DPP10: variants seen among roughly 807,000 people sequenced by gnomAD.
DPP10 encodes the protein inactive dipeptidyl peptidase 10.
DPP10 carries 33 observed loss-of-function variants against 120.9 expected under a neutral mutation model. The observed-to-expected ratio is 0.27, with a 90% CI of 0.21 to 0.37. The LOEUF (loss-of-function observed/expected upper bound fraction) is 0.37. Ranked by LOEUF, DPP10 falls within the 10% of genes least tolerant of loss-of-function variation. The pLI is 1.00. For synonymous variants in DPP10, 337 were observed against 326.1 expected (o/e 1.03, Z -0.36); for missense variants, 816 against 942.8 (o/e 0.87, Z 1.76).
At chr2:115,435,850 A>T (rs1004444367) in intron 3 of DPP10, among the ~76,000 whole-genome samples, 1 of 151,840 alleles carries the variant, frequency 6.6e-6, no homozygotes, top group Non-Finnish European at 1.5e-5. Flanking sequence ...TCTACAATCC[A>T]CGTTAAGTTG....
intron 1 of DPP10, among the ~76,000 whole-genome samples, chr2:115,256,714 C>T (rs1240623841): frequency 1.3e-5 from 2 of 152,202 alleles, no homozygotes; most frequent in African/African-American, 4.8e-5. Context: ...GTGGTTGCTT[C>T]ACAGCCCACT....
intron 5 of DPP10, among the ~76,000 whole-genome samples, chr2:115,581,058 C>T (rs2081978115): frequency 6.6e-6 from 1 of 152,096 alleles, no homozygotes; most frequent in Non-Finnish European, 1.5e-5. Context: ...GCCTGTAGGG[C>T]CTAAATTCTC....
At chr2:115,653,382 A>G (rs1203221550) in intron 5 of DPP10, among the ~76,000 whole-genome samples, 1 of 152,028 alleles carries the variant, frequency 6.6e-6, no homozygotes, top group Non-Finnish European at 1.5e-5. Flanking sequence ...TATTTTACCC[A>G]ATTTCAATCC....
intron 5 of DPP10, among the ~76,000 whole-genome samples, chr2:115,547,757 C>T (rs1253622176): frequency 6.8e-6 from 1 of 148,042 alleles, no homozygotes; most frequent in Non-Finnish European, 1.5e-5. Context: ...AGAGTGAGAT[C>T]CTATCTCCAA....
intron 1 of DPP10, among the ~76,000 whole-genome samples, chr2:114,572,761 C>T (rs1278486010): frequency 6.6e-6 from 1 of 152,134 alleles, no homozygotes; most frequent in African/African-American, 2.4e-5. Context: ...TGATATTTCT[C>T]AAAACTGGTC....
At chr2:115,389,393 A>G (rs1428635864) in intron 3 of DPP10, among the ~76,000 whole-genome samples, 2 of 152,060 alleles carry the variant, frequency 1.3e-5, no homozygotes, top group Non-Finnish European at 2.9e-5. Context: ...GCTTTTATAA[A>G]AGTTAATTAT....
intron 1 of DPP10, among the ~76,000 whole-genome samples, chr2:114,579,823 C>A (rs570623058): frequency 2.1e-5 from 3 of 145,670 alleles, no homozygotes; most frequent in Non-Finnish European, 4.6e-5. Flanking sequence ...CATAAAAATG[C>A]CTTTTTTTTA....
At chr2:115,569,925 C>T (rs1224433681) in intron 5 of DPP10, among the ~76,000 whole-genome samples, 1 of 101,382 alleles carries the variant, frequency 9.9e-6, no homozygotes, top group African/African-American at 3.8e-5. Flanking sequence ...CATGCCAGTA[C>T]TAGTTATTAA....
intron 5 of DPP10, among the ~76,000 whole-genome samples, chr2:115,589,461 C>T (rs1342116669): frequency 6.6e-6 from 1 of 152,020 alleles, no homozygotes; most frequent in Non-Finnish European, 1.5e-5. Flanking sequence ...AGATCACTCA[C>T]AGAATTCTGC....
chr2:115,592,590 A>AAAAAAAAC (rs2082731777), intron 5 of DPP10, among the ~76,000 whole-genome samples: 1 of 832 alleles, frequency 1.2e-3, no homozygotes, highest in Non-Finnish European at 3.8e-3. Context: ...CAAAAAAAAC[A>AAAAAAAAC]AAAAAAAAAA....
At chr2:114,542,049 C>CTTTTT (rs34131903) in intron 1 of DPP10, among the ~76,000 whole-genome samples, 1 of 141,560 alleles carries the variant, frequency 7.1e-6, no homozygotes, top group African/African-American at 2.6e-5. Context: ...TCTTTCTTTC[C>CTTTTT]TTTTTTTTTT....
intron 7 of DPP10, among the ~76,000 whole-genome samples, chr2:115,712,022 C>A (rs1392096360): frequency 6.8e-6 from 1 of 147,368 alleles, no homozygotes; most frequent in East Asian, 2.1e-4. Flanking sequence ...CAATTTTTTC[C>A]ATGGACTGGG....
At chr2:115,213,577 C>A (rs1313046271) in intron 1 of DPP10, among the ~76,000 whole-genome samples, 1 of 152,006 alleles carries the variant, frequency 6.6e-6, no homozygotes, top group Non-Finnish European at 1.5e-5. Flanking sequence ...CACTATTTTT[C>A]TATGCAATTT....
At chr2:115,840,202 T>C (rs1689947139) in intron 24 of DPP10, among the ~76,000 whole-genome samples, 2 of 151,422 alleles carry the variant, frequency 1.3e-5, no homozygotes, top group Admixed American at 1.3e-4. Context: ...GTAGAGTAAG[T>C]AGGACTTAGT....
intron 3 of DPP10, among the ~76,000 whole-genome samples, chr2:115,485,871 C>T (rs1028400091): frequency 6.6e-6 from 1 of 152,066 alleles, no homozygotes; most frequent in East Asian, 1.9e-4. Flanking sequence ...TATGATATTG[C>T]AATTTATTTT....
At chr2:115,528,352 G>A (rs1161788842) in intron 5 of DPP10, among the ~76,000 whole-genome samples, 1 of 149,514 alleles carries the variant, frequency 6.7e-6, no homozygotes, top group Non-Finnish European at 1.5e-5. Flanking sequence ...AGAACTTAAA[G>A]TATAATAAAA....
At chr2:114,564,433 G>C (rs534381503) in intron 1 of DPP10, among the ~76,000 whole-genome samples, 68 of 152,270 alleles carry the variant, frequency 4.5e-4, no homozygotes, top group African/African-American at 1.5e-3. Flanking sequence ...ATGGTTGTCT[G>C]ATGGCAAAGC....
intron 3 of DPP10, among the ~76,000 whole-genome samples, chr2:115,351,699 C>A (rs1402576820): frequency 6.6e-6 from 1 of 151,946 alleles, no homozygotes. Context: ...AAAGTATCTT[C>A]CTATCAAGAG....
At chr2:114,987,502 C>A (rs941954964) in intron 1 of DPP10, among the ~76,000 whole-genome samples, 1 of 152,132 alleles carries the variant, frequency 6.6e-6, no homozygotes, top group African/African-American at 2.4e-5. Flanking sequence ...CTCCTTTCTT[C>A]TCTTTCCTTC....
Sources: allele counts gnomAD v4.1 joint callset (sites outside exome capture counted in the v4.1 genomes callset), GRCh38; gene constraint gnomAD v4.1.1; transcripts MANE v1.5; gene names NCBI Gene and HGNC (gene_info 2026-07-23, HGNC 2026-07-21).